Variants in BRMS1L observed in about 807,000 individuals in gnomAD.
BRMS1L encodes BRMS1 like transcriptional repressor.
In BRMS1L, 23 loss-of-function variants were observed where a neutral mutation model predicts 50.3. The ratio of observed to expected loss-of-function variants is 0.46; its 90% confidence interval spans 0.33 to 0.65. The LOEUF (loss-of-function observed/expected upper bound fraction) is 0.65. Among genes scored for constraint, BRMS1L ranks in the 30% least tolerant of loss-of-function variants. The pLI is 0.02. For synonymous variants in BRMS1L, 114 were observed against 126.9 expected (o/e 0.90, Z 0.69); for missense variants, 286 against 386.1 (o/e 0.74, Z 2.17).
chr14:35,856,103 C>G (rs1355511955), intron 4 of BRMS1L, among the ~76,000 whole-genome samples: 3 of 152,016 alleles, frequency 2.0e-5, no homozygotes, highest in Non-Finnish European at 2.9e-5. Context: ...AGGAAGATAC[C>G]CTGCCAATTG....
intron 1 of BRMS1L, chr14:35,829,710 ATC>A (rs1385005064): frequency 7.6e-6 from 4 of 525,988 alleles, no homozygotes; most frequent in Non-Finnish European, 1.2e-5. Flanking sequence ...AGTATTTTTA[ATC>A]TGTTTTAGAA....
chr14:35,830,753 GAC>G lies in BRMS1L; in HGVS notation c.143-653_143-652del, dbSNP rs540684758. On this transcript the variant is annotated intron_variant, in intron 1 of 9. Transcript: ENST00000216807. ...TTTTGAGCAATGTTAGCCTTTAAAG[GAC>G]ACAGTCATTTTGGTGCTACATTCTG... Among the ~76,000 whole-genome samples the G allele has an allele frequency of 2.3e-3, 352 of 152,218 alleles. 2 individuals carry two copies. The highest frequency in any genetic ancestry group is 6.7e-3 in the Admixed American group (102 of 15,282).
chr14:35,834,132 C>G (rs2077961992), intron 3 of BRMS1L, among the ~76,000 whole-genome samples: 2 of 152,074 alleles, frequency 1.3e-5, no homozygotes, highest in Non-Finnish European at 2.9e-5. Flanking sequence ...CTGTCTCTTG[C>G]CTTTACTATA....
chr14:35,838,482 T>C (rs894945684), intron 4 of BRMS1L, among the ~76,000 whole-genome samples: 2 of 151,558 alleles, frequency 1.3e-5, no homozygotes, highest in Non-Finnish European at 2.9e-5. Context: ...TAATTTATAC[T>C]CCCACCAACA....
chr14:35,834,752 T>A (rs1003236196), intron 3 of BRMS1L, 92 bp from the exon 4 acceptor site: 36 of 846,098 alleles, frequency 4.3e-5, no homozygotes, highest in Non-Finnish European at 5.9e-5. Context: ...TGATCCATCT[T>A]ATTAAATACA....
intron 2 of BRMS1L, among the ~76,000 whole-genome samples, chr14:35,831,911 A>G (rs2077924461): frequency 1.4e-5 from 2 of 147,850 alleles, no homozygotes; most frequent in South Asian, 4.3e-4. Context: ...ACAGAGTAAG[A>G]CACTGTCTTA....
At chr14:35,846,982 C>CA (rs1445810643) in intron 4 of BRMS1L, among the ~76,000 whole-genome samples, 1 of 151,582 alleles carries the variant, frequency 6.6e-6, no homozygotes, top group Non-Finnish European at 1.5e-5. Flanking sequence ...AAAAAAAACA[C>CA]AAAAAAATAA....
intron 4 of BRMS1L, among the ~76,000 whole-genome samples, chr14:35,854,269 C>A (rs888515133): frequency 2.0e-5 from 3 of 152,076 alleles, no homozygotes; most frequent in African/African-American, 4.8e-5. Flanking sequence ...AGTTTTTATT[C>A]ATCTGAAAAT....
intron 2 of BRMS1L, 52 bp from the exon 3 acceptor site, chr14:35,832,926 T>C: frequency 6.6e-7 from 1 of 1,504,802 alleles, no homozygotes; most frequent in African/African-American, 1.4e-5. Flanking sequence ...TGGCAAATTG[T>C]TAGCCTTTGT....
intron 1 of BRMS1L, among the ~76,000 whole-genome samples, chr14:35,829,054 G>T (rs1225009885): frequency 1.3e-5 from 2 of 151,704 alleles, no homozygotes; most frequent in Non-Finnish European, 2.9e-5. Context: ...AGATTCTCCA[G>T]CCTCAGCCTC....
chr14:35,833,633 A>G (rs1160858235), intron 3 of BRMS1L, among the ~76,000 whole-genome samples: 2 of 152,158 alleles, frequency 1.3e-5, no homozygotes. Flanking sequence ...AAGATGCACT[A>G]TATTTGTATG....
At chr14:35,865,657 C>G (rs907769318) in intron 7 of BRMS1L, 65 bp from the exon 8 acceptor site, 16 of 1,261,898 alleles carry the variant, frequency 1.3e-5, no homozygotes, top group Non-Finnish European at 1.8e-5. Context: ...TAAATAGATA[C>G]CAAAATATAT....
intron 4 of BRMS1L, among the ~76,000 whole-genome samples, chr14:35,857,254 T>A (rs76252448): frequency 0.12 from 17,439 of 145,900 alleles, 1,098 homozygotes; most frequent in South Asian, 0.13. Context: ...AAAAAAAATA[T>A]ATATATATAT....
intron 6 of BRMS1L, among the ~76,000 whole-genome samples, chr14:35,864,716 A>G (rs1323751747): frequency 6.6e-6 from 1 of 152,206 alleles, no homozygotes; most frequent in Non-Finnish European, 1.5e-5. Flanking sequence ...ATTACAATCA[A>G]TGATATCATG....
In BRMS1L at chr14:35,867,935, A is replaced by G; in HGVS notation, c.757A>G (p.Ser253Gly). ...TGTGAAACTGGAAAAACATCTGCAC[A>G]GTGCTAGATCTGAAGAGGGAAGACT... The part of the protein sequence containing the change: ...PPVKLEKHLH[S>G]ARSEEGRLYY... Residue 253 changes from serine (S) to glycine (G), a missense_variant, in exon 9 of 10, where the codon AGT becomes GGT. Transcript: ENST00000216807. 6.2e-7 allele frequency: 1 copy of G among 1,609,452 alleles called. No homozygotes were observed. Among genetic ancestry groups the G allele is most frequent in the Non-Finnish European group, 8.5e-7 (1 of 1,178,638 alleles).
chr14:35,856,158 G>A (rs897576581), intron 4 of BRMS1L, among the ~76,000 whole-genome samples: 3 of 152,188 alleles, frequency 2.0e-5, no homozygotes, highest in Non-Finnish European at 4.4e-5. Flanking sequence ...GGAGGGGCAG[G>A]ACCAGAGACT....
At position 35,826,338 on chromosome 14, in the gene BRMS1L, A is replaced by G. The variant is rs2077840956; in HGVS notation, c.-179A>G. 1 of 889,868 alleles carries G rather than the reference A, an allele frequency of 1.1e-6. No individual in the cohort carries two copies. The highest frequency in any genetic ancestry group is 1.7e-6 in the Non-Finnish European group (1 of 597,176). The allele number at this position is 889,868 out of a possible 1,614,324, so 55.1% of individuals were successfully genotyped here. ...TCGGTGGAAGGCCTCCGCCAATGGC[A>G]GAGCTCCCATCGCAGAGCCTGCGGG... On this transcript the variant is annotated 5_prime_UTR_variant, in exon 1 of 10. Coordinates refer to ENST00000216807, the MANE Select transcript of BRMS1L (RefSeq NM_032352.4).
intron 4 of BRMS1L, among the ~76,000 whole-genome samples, chr14:35,847,003 C>T (rs2078144234): frequency 6.6e-6 from 1 of 151,982 alleles, no homozygotes; most frequent in African/African-American, 2.4e-5. Context: ...AACGCAGGGT[C>T]TCCCTTTGTT....
intron 9 of BRMS1L, among the ~76,000 whole-genome samples, chr14:35,868,810 A>T (rs1013891600): frequency 3.3e-5 from 5 of 152,132 alleles, no homozygotes; most frequent in Non-Finnish European, 5.9e-5. Context: ...AACAACAACA[A>T]CACAGTGTAA....
Sources: gnomAD v4.1 joint callset for allele counts (sites outside exome capture counted in the v4.1 genomes callset) on GRCh38, gnomAD v4.1.1 for gene constraint, MANE v1.5 for transcripts, NCBI Gene and HGNC (gene_info 2026-07-23, HGNC 2026-07-21) for gene names.